RUVBL2: variants seen among roughly 807,000 people sequenced by gnomAD.
RUVBL2 encodes the protein RuvB like AAA ATPase 2, also known as ruvB-like 2.
In RUVBL2, 9 loss-of-function variants were observed where a neutral mutation model predicts 57.9. The observed-to-expected ratio is 0.16, with a 90% CI of 0.09 to 0.27. RUVBL2 has a LOEUF of 0.27. RUVBL2 is among the 10% of genes least tolerant of loss of function. The pLI is 1.00. For missense variants in RUVBL2, 456 were observed against 669.6 expected (o/e 0.68, Z 3.52); for synonymous variants, 278 against 264.6 (o/e 1.05, Z -0.49).
intron 1 of RUVBL2, among the ~76,000 whole-genome samples, chr19:48,996,816 C>T (rs888103449): frequency 2.0e-5 from 3 of 151,020 alleles, no homozygotes; most frequent in Non-Finnish European, 3.0e-5. Flanking sequence ...CGTGAGCCAC[C>T]GTGCCTGACC....
chr19:49,000,733 T>C (rs1387707321), intron 2 of RUVBL2, among the ~76,000 whole-genome samples: 1 of 151,658 alleles, frequency 6.6e-6, no homozygotes, highest in Non-Finnish European at 1.5e-5. Flanking sequence ...GGCATGGTGG[T>C]GCATGCCTAT....
At chr19:48,999,238 C>A in intron 1 of RUVBL2, 81 bp from the exon 2 acceptor site, 1 of 1,451,902 alleles carries the variant, frequency 6.9e-7, no homozygotes, top group South Asian at 1.1e-5. Flanking sequence ...TGGAAAGGAC[C>A]ATCTCATGGG....
rs1227240115 is a variant in RUVBL2 at position 49,011,939 on chromosome 19, C to T, written c.1001+629C>T. Among the ~76,000 whole-genome samples, 1 of 152,088 alleles carries T rather than the reference C, an allele frequency of 6.6e-6. No individual in the cohort carries two copies. Among genetic ancestry groups the T allele is most frequent in the African/African-American group, 2.4e-5 (1 of 41,440 alleles). On this transcript the variant is annotated intron_variant, in intron 11 of 14. Coordinates refer to ENST00000595090, the MANE Select transcript of RUVBL2 (RefSeq NM_006666.3). This position sits in a 1 kb window ranked among gnomAD's most constrained non-coding sequence, Gnocchi z 4.4. ...CCTCGTCTCCCAGGTGTTGCCAGCA[C>T]CCTGTGTAGCTGGGATTACGGGCAC...
intron 8 of RUVBL2, 21 bp from the exon 9 acceptor site, chr19:49,010,467 T>TGCGCCGC: frequency 7.1e-7 from 1 of 1,401,208 alleles, no homozygotes; most frequent in Non-Finnish European, 9.9e-7. Context: ...CCGCCGTTCT[T>TGCGCCGC]CCCCCACCCC....
At chr19:48,999,517 ATCTAATGGGGGAGGAGGATCCTCAG>A in intron 2 of RUVBL2, 144 bp downstream of exon 2, 1 of 803,778 alleles carries the variant, frequency 1.2e-6, no homozygotes, top group Admixed American at 2.1e-5. Context: ...CACTCGCCCT[ATCTAATGGGGGAGGAGGATCCTCAG>A]TTCCAGAGTT....
At chr19:48,998,187 G>A (rs976254313) in intron 1 of RUVBL2, among the ~76,000 whole-genome samples, 14 of 152,180 alleles carry the variant, frequency 9.2e-5, no homozygotes, top group African/African-American at 3.4e-4. Flanking sequence ...GGACAGAAAG[G>A]GCCTCCCCTA....
At chr19:48,996,467 AG>A (rs2039061935) in intron 1 of RUVBL2, among the ~76,000 whole-genome samples, 1 of 150,466 alleles carries the variant, frequency 6.6e-6, no homozygotes, top group Non-Finnish European at 1.5e-5. Context: ...CTGGGACTAC[AG>A]GTGCGCGTCA....
At chr19:49,004,501 C>T in intron 4 of RUVBL2, 83 bp downstream of exon 4, 1 of 1,376,094 alleles carries the variant, frequency 7.3e-7, no homozygotes, top group Non-Finnish European at 1.0e-6. Context: ...GATGAGCCGC[C>T]TTTAACAGAT....
intron 9 of RUVBL2, among the ~76,000 whole-genome samples, 180 bp downstream of exon 9, chr19:49,010,791 G>A (rs2039407119): frequency 1.3e-5 from 2 of 152,246 alleles, no homozygotes; most frequent in Admixed American, 6.5e-5. Context: ...ACCCCTGCTG[G>A]TGCTGTGATG....
chr19:48,999,719 T>G (rs1385048748), intron 2 of RUVBL2, among the ~76,000 whole-genome samples: 2 of 151,980 alleles, frequency 1.3e-5, no homozygotes, highest in Non-Finnish European at 2.9e-5. Flanking sequence ...AGGGACGAGG[T>G]CGTGTCATTC....
chr19:49,000,276 T>G (rs972095928), intron 2 of RUVBL2, among the ~76,000 whole-genome samples: 1 of 152,262 alleles, frequency 6.6e-6, no homozygotes, highest in Non-Finnish European at 1.5e-5. Context: ...GCTGGGGCAC[T>G]GGGTGCAGTG....
chr19:49,015,036 T>C lies in RUVBL2; in HGVS notation c.1137T>C (p.Asp379=), dbSNP rs2039516557. 6.2e-7 allele frequency: 1 copy of C among 1,604,510 alleles called. No homozygotes were observed. ...CTGCTTGCAGGTGCGAGGAAGAAGA[T>C]GTGGAGATGAGTGAGGACGCCTACA... ...QILRIRCEEE[D]VEMSEDAYTV... The change falls in exon 13 of 15, where the codon GAT becomes GAC. Residue 379 remains aspartate, a synonymous_variant. Coordinates refer to ENST00000595090, the MANE Select transcript of RUVBL2 (RefSeq NM_006666.3).
rs180964717 is a variant in RUVBL2 at position 49,011,114 on chromosome 19, C to A, written c.882+21C>A. On this transcript the variant is annotated intron_variant, in intron 10 of 14. Transcript: ENST00000595090. This position sits in a 1 kb window ranked among gnomAD's most constrained non-coding sequence, Gnocchi z 4.4. ...CTGGAGTGAGGACCCAGGACATGGC[C>A]GGGGCGGGTGGTGGGGTGGAGGTGG... 1.8e-6 allele frequency: 1 copy of A among 547,156 alleles called. No individual in the cohort carries two copies. Among genetic ancestry groups the A allele is most frequent in the South Asian group, 1.4e-5 (1 of 70,042 alleles). 33.9% of individuals were successfully genotyped at this position (547,156 alleles called of 1,614,324 possible). A position where few individuals can be genotyped will look rare whatever the true frequency, so the allele number is the denominator to read the frequency against.
chr19:49,009,765 C>CCCACTCTGGCTTGTCT lies in RUVBL2; in HGVS notation c.463-4_463-3insGGCTTGTCTCCACTCT, dbSNP rs773870743. 1.2e-6 allele frequency: 2 copies of CCCACTCTGGCTTGTCT among 1,612,498 alleles called. No individual in the cohort carries two copies. Among genetic ancestry groups the CCCACTCTGGCTTGTCT allele is most frequent in the Admixed American group, 3.3e-5 (2 of 59,966 alleles). Reference sequence around the variant, plus strand: ...CTCTGAGCCCCATCCCTGGCTTGTCCCCACTCTCAGGGCTCCAAGGTGGGC... The same window carrying CCCACTCTGGCTTGTCT: ...CTCTGAGCCCCATCCCTGGCTTGTCCCCACTCTGGCTTGTCTCCACTCTCAGGGCTCCAAGGTGGGC... On this transcript the variant is annotated splice_polypyrimidine_tract_variant and intron_variant, in intron 6 of 14. Coordinates refer to ENST00000595090, the MANE Select transcript of RUVBL2 (RefSeq NM_006666.3).
chr19:48,995,517 G>A (rs2039039253), intron 1 of RUVBL2, among the ~76,000 whole-genome samples: 1 of 151,628 alleles, frequency 6.6e-6, no homozygotes, highest in South Asian at 2.1e-4. Context: ...CTTCCTCTGG[G>A]CTGGATAACT....
chr19:49,014,847 A>G lies in RUVBL2; in HGVS notation c.1122-174A>G, dbSNP rs2039511784. Among the ~76,000 whole-genome samples, 4 of 152,142 alleles carry G rather than the reference A, an allele frequency of 2.6e-5. No homozygotes were observed. In the South Asian group the frequency reaches 8.3e-4, roughly 31 times the overall value. On this transcript the variant is annotated intron_variant, in intron 12 of 14. Coordinates refer to ENST00000595090, the MANE Select transcript of RUVBL2 (RefSeq NM_006666.3). ...GGGGTGGTCAGGAGGCCTCGGTTTT[A>G]GGTCCAGCCCAGCCCCTGTCTCCGT...
intron 1 of RUVBL2, 94 bp downstream of exon 1, chr19:48,994,017 A>C (rs997373070): frequency 1.1e-5 from 12 of 1,057,350 alleles, no homozygotes; most frequent in Non-Finnish European, 1.5e-5. Flanking sequence ...GGTCTGAGGG[A>C]GGGGGGATCT....
intron 6 of RUVBL2, 125 bp from the exon 7 acceptor site, chr19:49,009,651 T>C: frequency 1.2e-6 from 1 of 801,482 alleles, no homozygotes; most frequent in Non-Finnish European, 2.1e-6. Flanking sequence ...TTCCTTGTGT[T>C]GTGCCCATTT....
At chr19:49,013,173 A>C (rs1035034622) in intron 11 of RUVBL2, among the ~76,000 whole-genome samples, 2 of 152,044 alleles carry the variant, frequency 1.3e-5, no homozygotes, top group African/African-American at 2.4e-5. Flanking sequence ...CATATTGGCC[A>C]GGCTGGTCTC....
Sources: allele counts gnomAD v4.1 joint callset (sites outside exome capture counted in the v4.1 genomes callset), GRCh38; gene constraint gnomAD v4.1.1; non-coding constraint Gnocchi (gnomAD v3.1); transcripts MANE v1.5; gene names NCBI Gene and HGNC (gene_info 2026-07-23, HGNC 2026-07-21).